SVOPL: variants seen among roughly 807,000 people sequenced by gnomAD.
SVOPL encodes the protein putative transporter SVOPL.
A neutral mutation model predicts 61.0 loss-of-function variants in SVOPL; 60 were observed. That is an observed-to-expected ratio of 0.98 (90% CI 0.80 to 1.22). The LOEUF is 1.22. Among genes scored for constraint, SVOPL ranks in the 50% most tolerant of loss-of-function variants. SVOPL has a pLI of 0.00. For missense variants in SVOPL, 662 were observed against 643.9 expected (o/e 1.03, Z -0.30); for synonymous variants, 279 against 250.0 (o/e 1.12, Z -1.09).
chr7:138,688,023 G>T (rs200839848), intron 1 of SVOPL, among the ~76,000 whole-genome samples: 1 of 152,004 alleles, frequency 6.6e-6, no homozygotes, highest in African/African-American at 2.4e-5. Context: ...GGATGGTCTC[G>T]ATCTCTTGAC....
chr7:138,685,865 G>A (rs1224090816), intron 1 of SVOPL, among the ~76,000 whole-genome samples: 5 of 139,206 alleles, frequency 3.6e-5, no homozygotes, highest in African/African-American at 5.9e-5. Flanking sequence ...GAGCAAGACT[G>A]TCTCAAAAAA....
At chr7:138,611,159 C>T (rs61077765) in intron 14 of SVOPL, among the ~76,000 whole-genome samples, 1 of 152,324 alleles carries the variant, frequency 6.6e-6, no homozygotes, top group South Asian at 2.1e-4. Context: ...GGACAGATCA[C>T]TTGAGGTTAG....
At chr7:138,630,411 C>CG (rs1484083892) in intron 9 of SVOPL, among the ~76,000 whole-genome samples, 2 of 152,002 alleles carry the variant, frequency 1.3e-5, no homozygotes, top group Admixed American at 6.6e-5. Flanking sequence ...AGCACTGGCG[C>CG]GGGGGTGGGG....
intron 9 of SVOPL, among the ~76,000 whole-genome samples, chr7:138,644,197 CAAAAA>C (rs71179714): frequency 3.1e-3 from 154 of 50,376 alleles, no homozygotes; most frequent in African/African-American, 7.5e-3. Flanking sequence ...AAGACTCCAT[CAAAAA>C]AAAAAAAAAA....
chr7:138,601,109 G>A lies in SVOPL; in HGVS notation c.1354-4579C>T, dbSNP rs554108115. Reference sequence around the variant, plus strand: ...TACTAAAAAATACAAAAAATTAGCCGGGCGTGGTGGCAGGCACCTGTAGTC... The same window carrying A: ...TACTAAAAAATACAAAAAATTAGCCAGGCGTGGTGGCAGGCACCTGTAGTC... On this transcript the variant is annotated intron_variant, in intron 14 of 15. Coordinates refer to ENST00000674285, the MANE Select transcript of SVOPL (RefSeq NM_001139456.2). Among the ~76,000 whole-genome samples the A allele has an allele frequency of 9.2e-5, 14 of 151,954 alleles. No homozygotes were observed. The East Asian group carries it at 1.7e-3, about 19-fold the overall frequency.
intron 4 of SVOPL, chr7:138,664,131 C>G (rs980081814): frequency 1.2e-6 from 1 of 845,852 alleles, no homozygotes; most frequent in Non-Finnish European, 1.4e-6. Flanking sequence ...CTCTGCCTCC[C>G]TCACTCGCCC....
At chr7:138,648,749 G>A (rs985400827) in intron 8 of SVOPL, among the ~76,000 whole-genome samples, 3 of 150,326 alleles carry the variant, frequency 2.0e-5, no homozygotes, top group African/African-American at 4.9e-5. Context: ...CCAGCCTGGG[G>A]AGACTCCATC....
At chr7:138,621,025 C>A in intron 14 of SVOPL, 21 bp downstream of exon 14, 2 of 1,609,994 alleles carry the variant, frequency 1.2e-6, no homozygotes, top group East Asian at 2.2e-5. Context: ...CTCTCTCTCC[C>A]TGCAGGGTCC....
intron 8 of SVOPL, among the ~76,000 whole-genome samples, chr7:138,647,842 C>A (rs1444143268): frequency 1.1e-5 from 1 of 88,398 alleles, no homozygotes; most frequent in Non-Finnish European, 2.3e-5. Flanking sequence ...AGTAAGACTC[C>A]GTTTCAAAAA....
intron 14 of SVOPL, among the ~76,000 whole-genome samples, chr7:138,609,634 G>A (rs1054842167): frequency 1.3e-5 from 2 of 151,686 alleles, no homozygotes; most frequent in Admixed American, 6.6e-5. Flanking sequence ...CTGTCAGCCT[G>A]GGCAACAGAG....
chr7:138,650,022 G>C (rs1801341039), intron 7 of SVOPL, among the ~76,000 whole-genome samples: 1 of 152,010 alleles, frequency 6.6e-6, no homozygotes, highest in Non-Finnish European at 1.5e-5. Context: ...AGTAGAGACA[G>C]TGTTTCACCG....
chr7:138,626,155 A>G, intron 12 of SVOPL, 105 bp from the exon 13 acceptor site: 1 of 1,120,146 alleles, frequency 8.9e-7, no homozygotes, highest in South Asian at 1.4e-5. Context: ...AATCACAGAT[A>G]ACTCAGAACC....
chr7:138,633,735 A>G (rs1563106061), intron 9 of SVOPL, among the ~76,000 whole-genome samples: 1 of 152,176 alleles, frequency 6.6e-6, no homozygotes, highest in Non-Finnish European at 1.5e-5. Flanking sequence ...CCAAAATACA[A>G]TGATGAATAT....
intron 1 of SVOPL, among the ~76,000 whole-genome samples, chr7:138,688,415 A>G (rs2117136278): frequency 6.6e-6 from 1 of 151,928 alleles, no homozygotes; most frequent in East Asian, 1.9e-4. Flanking sequence ...GATTACAGGC[A>G]TGCACCACCA....
At chr7:138,594,772 G>T in intron 15 of SVOPL, 151 bp from the exon 16 acceptor site, 1 of 535,036 alleles carries the variant, frequency 1.9e-6, no homozygotes, top group Non-Finnish European at 3.1e-6. Flanking sequence ...TGTATCTGAA[G>T]ATACAATGCT....
chr7:138,634,293 G>A (rs1262492368), intron 9 of SVOPL, among the ~76,000 whole-genome samples: 2 of 152,048 alleles, frequency 1.3e-5, no homozygotes, highest in African/African-American at 2.4e-5. Context: ...GACTGCTTGA[G>A]GCCAGGATTT....
intron 1 of SVOPL, among the ~76,000 whole-genome samples, chr7:138,679,297 T>G (rs1325686089): frequency 1.3e-5 from 2 of 151,880 alleles, no homozygotes; most frequent in African/African-American, 4.8e-5. Context: ...TGAGATGGAG[T>G]CTCGCTCTGT....
intron 7 of SVOPL, among the ~76,000 whole-genome samples, chr7:138,654,912 T>C (rs1236960898): frequency 6.7e-6 from 1 of 150,074 alleles, no homozygotes; most frequent in African/African-American, 2.5e-5. Flanking sequence ...CAGAGCCTGC[T>C]GGGTACAGTG....
chr7:138,620,139 T>TTTTTTTTTTG, intron 14 of SVOPL, among the ~76,000 whole-genome samples: 1 of 147,014 alleles, frequency 6.8e-6, no homozygotes. Flanking sequence ...TTTTTTTTTT[T>TTTTTTTTTTG]TGAGATAGAG....
Sources: allele counts gnomAD v4.1 joint callset (sites outside exome capture counted in the v4.1 genomes callset), GRCh38; gene constraint gnomAD v4.1.1; transcripts MANE v1.5; gene names NCBI Gene and HGNC (gene_info 2026-07-23, HGNC 2026-07-21).